The following ECHS1 variants were observed in gnomAD, a reference collection of about 807,000 sequenced individuals.
ECHS1 encodes the protein enoyl-CoA hydratase, short chain 1.
In ECHS1, 19 loss-of-function variants were observed where a neutral mutation model predicts 33.5. That is an observed-to-expected ratio of 0.57 (90% CI 0.40 to 0.83). The LOEUF is 0.83. ECHS1 is among the 40% of genes least tolerant of loss of function. ECHS1 has a pLI of 0.00. For missense variants in ECHS1, 365 were observed against 381.3 expected (o/e 0.96, Z 0.36); for synonymous variants, 158 against 146.6 (o/e 1.08, Z -0.56).
intron 1 of ECHS1, 59 bp downstream of exon 1, chr10:133,373,187 G>A: frequency 7.5e-7 from 1 of 1,330,524 alleles, no homozygotes; most frequent in Non-Finnish European, 9.7e-7. Context: ...GATCTGGTCT[G>A]GGCGTGCAGG....
rs778775545 is a variant in ECHS1 at position 133,362,878 on chromosome 10, T to C, written c.863A>G (p.Lys288Arg). The C allele has an allele frequency of 6.2e-7, 1 of 1,614,210 alleles. No homozygotes were observed. Among genetic ancestry groups the C allele is most frequent in the East Asian group, 2.2e-5 (1 of 44,894 alleles). ...AFVEKRKANF[K>R]DQ is the part of the protein sequence containing the mutation. ...AGGGGCAGCTGGTTCTCACTGGTCT[T>C]TGAAGTTGGCCTTTCTCTTTTCCAC... Residue 288 changes from lysine (K) to arginine (R), a missense_variant, in exon 8 of 8, where the codon AAA (lysine) becomes AGA (arginine). Coordinates refer to ENST00000368547, the MANE Select transcript of ECHS1 (RefSeq NM_004092.4).
intron 3 of ECHS1, among the ~76,000 whole-genome samples, chr10:133,369,698 CTG>C (rs1174094478): frequency 6.6e-6 from 1 of 152,204 alleles, no homozygotes; most frequent in Non-Finnish European, 1.5e-5. Context: ...TGGGGAGAAG[CTG>C]TCAGGTGAAC....
At chr10:133,367,679 C>A (rs1038035035) in intron 4 of ECHS1, among the ~76,000 whole-genome samples, 18 of 151,910 alleles carry the variant, frequency 1.2e-4, no homozygotes. Flanking sequence ...GCCTAACCCC[C>A]TCCCTGTGGT....
chr10:133,367,063 C>T, intron 4 of ECHS1, 70 bp from the exon 5 acceptor site: 1 of 1,289,448 alleles, frequency 7.8e-7, no homozygotes, highest in Non-Finnish European at 1.1e-6. Context: ...AGCTGTGCAG[C>T]CAGCAAATTC....
At chr10:133,372,535 A>C (rs975559076) in intron 1 of ECHS1, among the ~76,000 whole-genome samples, 9 of 152,136 alleles carry the variant, frequency 5.9e-5, no homozygotes, top group African/African-American at 2.2e-4. Flanking sequence ...GCCTGCTCTT[A>C]GAGCCGAGGG....
chr10:133,363,019 T>C, intron 7 of ECHS1, 86 bp from the exon 8 acceptor site: 1 of 1,497,482 alleles, frequency 6.7e-7, no homozygotes, highest in Non-Finnish European at 9.3e-7. Context: ...TCTCCCTGGC[T>C]CTGCCTCACT....
intron 3 of ECHS1, 104 bp downstream of exon 3, chr10:133,369,800 C>T: frequency 6.8e-7 from 1 of 1,472,724 alleles, no homozygotes; most frequent in Non-Finnish European, 9.1e-7. Flanking sequence ...GGCTGCTGGC[C>T]TGGGAACTAA....
intron 4 of ECHS1, among the ~76,000 whole-genome samples, chr10:133,367,868 A>T (rs1185020386): frequency 6.6e-6 from 1 of 152,110 alleles, no homozygotes; most frequent in Non-Finnish European, 1.5e-5. Flanking sequence ...TGCTTCGGCT[A>T]CCTAAGAGGG....
intron 1 of ECHS1, among the ~76,000 whole-genome samples, chr10:133,371,046 A>G (rs942673434): frequency 6.6e-6 from 1 of 152,190 alleles, no homozygotes; most frequent in Non-Finnish European, 1.5e-5. Flanking sequence ...GGGAGGCCGA[A>G]GCGGTCGAAT....
At position 133,373,283 on chromosome 10, in the gene ECHS1, G is replaced by A; in HGVS notation, c.51C>T (p.Pro17=). The A allele has an allele frequency of 2.0e-6, 3 of 1,476,678 alleles. No individual in the cohort carries two copies. Among genetic ancestry groups the A allele is most frequent in the East Asian group, 2.9e-5 (1 of 34,594 alleles). The allele number at this position is 1,476,678 out of a possible 1,614,324, so 91.5% of individuals were successfully genotyped here. ...GACGCCAGGCGGGACAGCGAACCGGGGGCCTCAGCGGGCCGCGGACGCAGG... is the reference window on the plus strand; with the variant it reads ...GACGCCAGGCGGGACAGCGAACCGGAGGCCTCAGCGGGCCGCGGACGCAGG... ...LLSCVRGPLR[P]PVRCPAWRPF... The change falls in exon 1 of 8, where the codon CCC becomes CCT. Residue 17 remains proline (P), a synonymous_variant. Transcript: ENST00000368547.
chr10:133,365,991 C>T lies in ECHS1; in HGVS notation c.724G>A (p.Glu242Lys). ...NSKIVVAMAK[E>K]SVNAAFEMTL... is the part of the protein sequence containing the mutation. Reference sequence around the variant, plus strand: ...GATCCCCTACCTGCATTCACTGATTCTTTGGCCATCGCTACTACAATTTTA... The same window carrying T: ...GATCCCCTACCTGCATTCACTGATTTTTTGGCCATCGCTACTACAATTTTA... The change falls in exon 6 of 8, where the codon GAA (glutamate) becomes AAA (lysine). Residue 242 changes from glutamate (E) to lysine (K), a missense_variant. By Grantham distance (56) the Glu-to-Lys change is moderately conservative (BLOSUM62 1). Transcript: ENST00000368547. 6.2e-7 allele frequency: 1 copy of T among 1,613,930 alleles called. No individual in the cohort carries two copies. Among genetic ancestry groups the T allele is most frequent in the East Asian group, 2.2e-5 (1 of 44,894 alleles).
intron 7 of ECHS1, among the ~76,000 whole-genome samples, chr10:133,363,380 C>CGCATCTGT (rs56046171): frequency 0.76 from 114,733 of 151,180 alleles, 44,773 homozygotes; most frequent in South Asian, 0.88. Context: ...CACACACACA[C>CGCATCTGT]ACACGCATCT....
rs936640967 is a variant in ECHS1 at position 133,366,097 on chromosome 10, T to C, written c.620-2A>G. On this transcript the variant is annotated splice_acceptor_variant, in intron 5 of 7. Transcript: ENST00000368547. LOFTEE classifies it high-confidence loss of function. Reference sequence around the variant, plus strand: ...CAGGACAAATCTTGCTGACAAGACCTGAAACACAAGAAAGTCAGTGAGTGA... The same window carrying C: ...CAGGACAAATCTTGCTGACAAGACCCGAAACACAAGAAAGTCAGTGAGTGA... 1 of 1,612,786 alleles carries C rather than the reference T, an allele frequency of 6.2e-7. No individual in the cohort carries two copies.
At chr10:133,366,297 A>T (rs1390455460) in intron 5 of ECHS1, among the ~76,000 whole-genome samples, 1 of 152,256 alleles carries the variant, frequency 6.6e-6, no homozygotes, top group African/African-American at 2.4e-5. Context: ...CTGTGCTCTC[A>T]GACATGTGGG....
intron 1 of ECHS1, among the ~76,000 whole-genome samples, chr10:133,371,231 CAT>C (rs1411581666): frequency 1.3e-5 from 2 of 151,966 alleles, no homozygotes; most frequent in East Asian, 1.9e-4. Context: ...GAGCTGAGAT[CAT>C]GCCACTGCAC....
At chr10:133,369,061 A>G (rs199625385) in intron 3 of ECHS1, 39 bp from the exon 4 acceptor site, 16 of 1,590,886 alleles carry the variant, frequency 1.0e-5, no homozygotes, top group Middle Eastern at 3.3e-4. Context: ...TTACCAGGGG[A>G]ACCCAGTCAG....
At chr10:133,364,767 TGC>T in intron 6 of ECHS1, 42 bp from the exon 7 acceptor site, 1 of 1,535,102 alleles carries the variant, frequency 6.5e-7, no homozygotes. Context: ...AGATATTACA[TGC>T]AGAACTTTTC....
intron 4 of ECHS1, among the ~76,000 whole-genome samples, chr10:133,368,466 G>A (rs978620965): frequency 1.6e-4 from 24 of 152,068 alleles, no homozygotes; most frequent in African/African-American, 5.3e-4. Context: ...CCTGGGGTTA[G>A]AGGGTGTTGC....
At chr10:133,368,727 C>CCGGGACT (rs1849065308) in intron 4 of ECHS1, among the ~76,000 whole-genome samples, 196 bp downstream of exon 4, 1 of 152,126 alleles carries the variant, frequency 6.6e-6, no homozygotes, top group South Asian at 2.1e-4. Context: ...AGTCACAGTC[C>CCGGGACT]CGGGACTCTA....
Sources: gnomAD v4.1 joint callset for allele counts (sites outside exome capture counted in the v4.1 genomes callset) on GRCh38, gnomAD v4.1.1 for gene constraint, MANE v1.5 for transcripts, NCBI Gene and HGNC (gene_info 2026-07-23, HGNC 2026-07-21) for gene names.